Variants in DGKI observed in about 807,000 individuals in gnomAD.
DGKI encodes DAG kinase iota.
In DGKI, 55 loss-of-function variants were observed where a neutral mutation model predicts 147.5. The ratio of observed to expected loss-of-function variants is 0.37; its 90% CI spans 0.30 to 0.47. The LOEUF (loss-of-function observed/expected upper bound fraction) is 0.47, where lower values mean the gene tolerates loss of function less well. DGKI is among the 20% of genes least tolerant of loss of function. The pLI is 1.00. For synonymous variants in DGKI, 469 were observed against 477.1 expected (o/e 0.98, Z 0.22); for missense variants, 1,007 against 1,323.8 (o/e 0.76, Z 3.71).
chr7:137,734,975 A>G (rs1453458397), intron 1 of DGKI, among the ~76,000 whole-genome samples: 1 of 152,108 alleles, frequency 6.6e-6, no homozygotes, highest in Non-Finnish European at 1.5e-5. Context: ...ATATAATTGA[A>G]AAATCTTCTG....
At chr7:137,463,136 C>T (rs1398690667) in intron 27 of DGKI, among the ~76,000 whole-genome samples, 6 of 152,174 alleles carry the variant, frequency 3.9e-5, no homozygotes, top group Non-Finnish European at 8.8e-5. Flanking sequence ...CACTTTCAAG[C>T]TACTCATGAT....
At chr7:137,773,420 G>C (rs1167336902) in intron 1 of DGKI, among the ~76,000 whole-genome samples, 3 of 152,140 alleles carry the variant, frequency 2.0e-5, no homozygotes, top group Non-Finnish European at 4.4e-5. Context: ...CCTCTGAAGG[G>C]GTATTCTGAT....
chr7:137,416,654 G>A (rs964368400), intron 28 of DGKI, among the ~76,000 whole-genome samples: 1 of 152,198 alleles, frequency 6.6e-6, no homozygotes, highest in Non-Finnish European at 1.5e-5. Context: ...AAGCATGTCA[G>A]TGTGAGTCTG....
intron 1 of DGKI, among the ~76,000 whole-genome samples, chr7:137,749,506 G>C (rs1023772224): frequency 6.6e-6 from 1 of 151,980 alleles, no homozygotes; most frequent in Admixed American, 6.6e-5. Flanking sequence ...TCTCCTCTTC[G>C]CTCTCTGACT....
At chr7:137,795,351 A>G (rs1425862996) in intron 1 of DGKI, among the ~76,000 whole-genome samples, 2 of 152,180 alleles carry the variant, frequency 1.3e-5, no homozygotes, top group Non-Finnish European at 2.9e-5. Flanking sequence ...ATCCGCCACA[A>G]AAGGCCCATC....
intron 27 of DGKI, among the ~76,000 whole-genome samples, chr7:137,457,114 C>G (rs976770071): frequency 2.6e-5 from 4 of 152,090 alleles, no homozygotes; most frequent in African/African-American, 9.7e-5. Context: ...CTGTATTTTT[C>G]CAGCTGGAAT....
chr7:137,538,786 A>G (rs1817596754), intron 20 of DGKI, among the ~76,000 whole-genome samples: 1 of 152,214 alleles, frequency 6.6e-6, no homozygotes, highest in Non-Finnish European at 1.5e-5. Flanking sequence ...AGGTTTCATA[A>G]AGCAGCTATT....
chr7:137,510,146 G>T (rs1443535039), intron 21 of DGKI, among the ~76,000 whole-genome samples: 3 of 152,176 alleles, frequency 2.0e-5, no homozygotes, highest in Non-Finnish European at 4.4e-5. Flanking sequence ...CTAATACATA[G>T]TAGGAACCAA....
At chr7:137,676,996 C>A (rs1335903824) in intron 3 of DGKI, among the ~76,000 whole-genome samples, 3 of 152,168 alleles carry the variant, frequency 2.0e-5, no homozygotes, top group African/African-American at 7.2e-5. Context: ...TACTGGCTTT[C>A]ATTTTTTCCA....
At chr7:137,679,877 G>T (rs1257405341) in intron 2 of DGKI, among the ~76,000 whole-genome samples, 2 of 150,982 alleles carry the variant, frequency 1.3e-5, no homozygotes, top group African/African-American at 2.4e-5. Context: ...GTTAATCCCA[G>T]CTATTCAGGA....
At chr7:137,654,658 G>A in intron 5 of DGKI, 74 bp downstream of exon 5, 1 of 1,085,322 alleles carries the variant, frequency 9.2e-7, no homozygotes, top group Non-Finnish European at 1.4e-6. Context: ...TTATTCCCTG[G>A]TGAATATCTA....
chr7:137,632,039 T>C (rs964423520), intron 6 of DGKI, among the ~76,000 whole-genome samples: 2 of 152,162 alleles, frequency 1.3e-5, no homozygotes, highest in Admixed American at 6.5e-5. Flanking sequence ...AACTGGAATA[T>C]AGAATTCTAA....
At chr7:137,775,991 T>A (rs543721705) in intron 1 of DGKI, among the ~76,000 whole-genome samples, 50 of 152,144 alleles carry the variant, frequency 3.3e-4, no homozygotes, top group Non-Finnish European at 6.8e-4. Context: ...CCCGAGTAGC[T>A]GGGATTATAA....
At chr7:137,572,617 G>T in intron 18 of DGKI, 148 bp downstream of exon 18, 1 of 589,630 alleles carries the variant, frequency 1.7e-6, no homozygotes, top group East Asian at 2.9e-5. Context: ...CCAAATCGGA[G>T]AATGAATTAT....
chr7:137,688,282 A>G (rs1823492015), intron 2 of DGKI, among the ~76,000 whole-genome samples: 1 of 152,214 alleles, frequency 6.6e-6, no homozygotes, highest in East Asian at 1.9e-4. Flanking sequence ...AGATTCTAGT[A>G]CAAAGCAGGA....
chr7:137,790,252 A>ACG (rs1250261416), intron 1 of DGKI, among the ~76,000 whole-genome samples: 3 of 151,892 alleles, frequency 2.0e-5, no homozygotes, highest in Non-Finnish European at 2.9e-5. Flanking sequence ...ACACACACAC[A>ACG]CACACACACA....
intron 1 of DGKI, among the ~76,000 whole-genome samples, chr7:137,756,789 G>A (rs926953961): frequency 1.3e-5 from 2 of 151,188 alleles, no homozygotes; most frequent in African/African-American, 4.9e-5. Flanking sequence ...GAGTTGATTA[G>A]TACTGGGTTC....
intron 21 of DGKI, among the ~76,000 whole-genome samples, chr7:137,516,981 C>CA: frequency 6.6e-6 from 1 of 151,642 alleles, no homozygotes; most frequent in Non-Finnish European, 1.5e-5. Context: ...CCACCTTTAC[C>CA]AAATGATCAG....
intron 20 of DGKI, chr7:137,545,883 A>G (rs1817845972): frequency 1.4e-6 from 1 of 700,796 alleles, no homozygotes; most frequent in Admixed American, 2.0e-5. Context: ...GTAGAAACAG[A>G]ATGGCACTGT....
Sources: gnomAD v4.1 joint callset for allele counts (sites outside exome capture counted in the v4.1 genomes callset) on GRCh38, gnomAD v4.1.1 for gene constraint, MANE v1.5 for transcripts, NCBI Gene and HGNC (gene_info 2026-07-23, HGNC 2026-07-21) for gene names.